The following FRYL variants were observed in gnomAD, a reference collection of about 807,000 sequenced individuals.
The protein encoded by FRYL is FRY like transcription coactivator, also known as protein furry homolog-like.
A neutral mutation model predicts 351.2 loss-of-function variants in FRYL; 150 were observed. That is an observed-to-expected ratio of 0.43 (90% confidence interval 0.37 to 0.49). The LOEUF (loss-of-function observed/expected upper bound fraction) is 0.49, where lower values mean the gene tolerates loss of function less well. Among genes scored for constraint, FRYL ranks in the 20% least tolerant of loss-of-function variants. The pLI is 0.00. For synonymous variants in FRYL, 1,153 were observed against 1,257.1 expected, an observed-to-expected ratio of 0.92 and a Z score of 1.75; for missense variants, 3,036 against 3,619.3, an observed-to-expected ratio of 0.84 and a Z score of 4.13.
At chr4:48,579,366 G>T (rs965552494) in intron 22 of FRYL, 125 bp from the exon 23 acceptor site, 20 of 762,076 alleles carry the variant, frequency 2.6e-5, no homozygotes, top group African/African-American at 2.0e-4. Context: ...TAAAGTCCAT[G>T]GTAGGTTGAA....
At chr4:48,772,146 A>G (rs1041176040) in intron 1 of FRYL, among the ~76,000 whole-genome samples, 2 of 152,220 alleles carry the variant, frequency 1.3e-5, no homozygotes, top group Non-Finnish European at 2.9e-5. Flanking sequence ...ATGTATATGT[A>G]CCATCTTTTA....
intron 19 of FRYL, among the ~76,000 whole-genome samples, chr4:48,586,077 G>A (rs765097240): frequency 3.3e-5 from 5 of 152,112 alleles, no homozygotes; most frequent in East Asian, 1.9e-4. Flanking sequence ...ACAGGCTATC[G>A]TCTCAACTTA....
At chr4:48,690,060 C>A (rs953877685) in intron 2 of FRYL, among the ~76,000 whole-genome samples, 2 of 23,636 alleles carry the variant, frequency 8.5e-5, no homozygotes, top group Non-Finnish European at 1.9e-4. Context: ...CCGTGCCCAG[C>A]TAATTTTTTT....
chr4:48,582,594 T>C lies in FRYL; in HGVS notation c.1889A>G (p.His630Arg), dbSNP rs1741174652. Residue 630 changes from histidine to arginine, a missense_variant, in exon 20 of 64, where the codon CAT becomes CGT. His to Arg is a conservative substitution (Grantham distance 29, BLOSUM62 0). This residue lies in a region of FRYL where 492 missense variants were observed against 551.5 expected (regional missense o/e 0.89). Coordinates refer to ENST00000358350, the MANE Select transcript of FRYL (RefSeq NM_015030.2). Reference sequence around the variant, plus strand: ...TACGGCATTATCAAGAAGTGTGGGATGGACATCAGTCACTTCACGAACAAT... The same window carrying C: ...TACGGCATTATCAAGAAGTGTGGGACGGACATCAGTCACTTCACGAACAAT... ...YFIVREVTDV[H>R]PTLLDNAVKM... The C allele has an allele frequency of 6.2e-7, 1 of 1,614,028 alleles. No homozygotes were observed. Among genetic ancestry groups the C allele is most frequent in the African/African-American group, 1.3e-5 (1 of 75,052 alleles).
chr4:48,771,359 C>T (rs182730878), intron 1 of FRYL, among the ~76,000 whole-genome samples: 59 of 152,318 alleles, frequency 3.9e-4, no homozygotes, highest in Admixed American at 1.6e-3. Flanking sequence ...ACACATCTGG[C>T]TATTTTACAA....
chr4:48,729,702 A>G (rs1326528791), intron 1 of FRYL, among the ~76,000 whole-genome samples: 1 of 152,184 alleles, frequency 6.6e-6, no homozygotes, highest in East Asian at 1.9e-4. Context: ...CAACATCAAC[A>G]AAAAAGACAT....
chr4:48,676,731 A>C (rs1461280663), intron 3 of FRYL, among the ~76,000 whole-genome samples: 1 of 152,196 alleles, frequency 6.6e-6, no homozygotes, highest in Non-Finnish European at 1.5e-5. Flanking sequence ...AACTGAAGGT[A>C]TCCAAGGGCA....
intron 19 of FRYL, among the ~76,000 whole-genome samples, chr4:48,584,148 T>C (rs950138421): frequency 1.3e-5 from 2 of 152,172 alleles, no homozygotes; most frequent in Admixed American, 1.3e-4. Flanking sequence ...TAATATTATA[T>C]GAATAAAGAG....
intron 3 of FRYL, among the ~76,000 whole-genome samples, chr4:48,678,174 C>T (rs1217177967): frequency 2.0e-5 from 3 of 152,010 alleles, no homozygotes; most frequent in African/African-American, 7.3e-5. Context: ...AGGTGGATAA[C>T]AAGGGTCAAG....
chr4:48,515,299 T>G, intron 55 of FRYL, 24 bp from the exon 56 acceptor site: 3 of 1,551,860 alleles, frequency 1.9e-6, no homozygotes, highest in Non-Finnish European at 2.6e-6. Context: ...ATAGTTTTAG[T>G]GAACTATAAA....
At chr4:48,540,988 G>A (rs1730016213) in intron 45 of FRYL, 28 bp from the exon 46 acceptor site, 1 of 1,471,528 alleles carries the variant, frequency 6.8e-7, no homozygotes, top group Non-Finnish European at 9.0e-7. Context: ...ATAGATGAAT[G>A]CATACCCAGT....
intron 10 of FRYL, 79 bp from the exon 11 acceptor site, chr4:48,605,912 A>ATATT: frequency 1.1e-6 from 1 of 890,722 alleles, no homozygotes; most frequent in Non-Finnish European, 1.8e-6. Flanking sequence ...TCATTTTGTG[A>ATATT]ACACTCTGTC....
intron 4 of FRYL, among the ~76,000 whole-genome samples, chr4:48,626,820 GA>G (rs1751933284): frequency 6.6e-6 from 1 of 151,980 alleles, no homozygotes; most frequent in African/African-American, 2.4e-5. Flanking sequence ...TAATCTTTAT[GA>G]AAACACGATC....
At chr4:48,598,144 T>A (rs1460557029) in intron 13 of FRYL, among the ~76,000 whole-genome samples, 1 of 152,154 alleles carries the variant, frequency 6.6e-6, no homozygotes, top group Non-Finnish European at 1.5e-5. Context: ...ATGCCTGTAG[T>A]CTCAGCTTGA....
intron 50 of FRYL, among the ~76,000 whole-genome samples, chr4:48,530,567 T>C (rs1727331684): frequency 6.6e-6 from 1 of 152,100 alleles, no homozygotes; most frequent in Admixed American, 6.6e-5. Context: ...AAGATCCCCA[T>C]GATCTTGCCC....
intron 2 of FRYL, among the ~76,000 whole-genome samples, chr4:48,692,579 G>C (rs1765772314): frequency 6.6e-6 from 1 of 152,098 alleles, no homozygotes; most frequent in Admixed American, 6.6e-5. Flanking sequence ...TTTTAGTAGA[G>C]CCAAAGTTTT....
intron 17 of FRYL, among the ~76,000 whole-genome samples, 158 bp downstream of exon 17, chr4:48,590,501 A>C (rs903063537): frequency 6.6e-6 from 1 of 152,120 alleles, no homozygotes; most frequent in African/African-American, 2.4e-5. Flanking sequence ...AAACAAAAAC[A>C]AAAAACAAAA....
intron 1 of FRYL, among the ~76,000 whole-genome samples, chr4:48,766,080 A>C (rs1368664335): frequency 6.6e-6 from 1 of 152,232 alleles, no homozygotes; most frequent in East Asian, 1.9e-4. Context: ...GAGGTTCCTC[A>C]AAAAATTAAA....
Position 48,778,901 on chromosome 4 carries a change from C to A in FRYL, c.-384+1177G>T, listed in dbSNP as rs553943519. 2.0e-5 allele frequency among the ~76,000 whole-genome samples: 3 copies of A among 152,080 alleles called. No individual in the cohort carries two copies. The South Asian group carries it at 6.3e-4, about 32-fold the overall frequency. ...TTTTTCCCCTACCCTTCCAAAAGAA[C>A]CCCAGCCAGTGAATCGAAGTAATAT... On this transcript the variant is annotated intron_variant, in intron 1 of 63. Transcript: ENST00000358350.
Sources: gnomAD v4.1 joint callset for allele counts (sites outside exome capture counted in the v4.1 genomes callset) on GRCh38, gnomAD v4.1.1 for gene constraint, gnomAD v4.1.1 regional missense constraint, MANE v1.5 for transcripts, NCBI Gene and HGNC (gene_info 2026-07-23, HGNC 2026-07-21) for gene names.